EYA2: variants seen among roughly 807,000 people sequenced by gnomAD.
EYA2 encodes protein phosphatase EYA2.
In EYA2, 31 loss-of-function variants were observed where a neutral mutation model predicts 69.2. The observed-to-expected ratio is 0.45, with a 90% CI of 0.34 to 0.60. The LOEUF is 0.60. Ranked by LOEUF, EYA2 falls within the 20% of genes least tolerant of loss-of-function variation. EYA2 has a pLI of 0.02. For missense variants in EYA2, 622 were observed against 701.2 expected (o/e 0.89, Z 1.28); for synonymous variants, 257 against 279.4 (o/e 0.92, Z 0.80).
chr20:46,979,176 A>G (rs947906851), intron 1 of EYA2, among the ~76,000 whole-genome samples: 10 of 152,172 alleles, frequency 6.6e-5, no homozygotes, highest in African/African-American at 2.4e-4. Context: ...GGGTGTGGAA[A>G]GGTGAGCGGC....
intron 10 of EYA2, among the ~76,000 whole-genome samples, chr20:47,144,416 A>G (rs1294670292): frequency 2.6e-5 from 4 of 152,172 alleles, no homozygotes; most frequent in South Asian, 4.1e-4. Flanking sequence ...CAAAAAAACA[A>G]TTCTATTTCT....
intron 5 of EYA2, among the ~76,000 whole-genome samples, chr20:47,056,701 C>T (rs777958833): frequency 3.3e-5 from 5 of 152,120 alleles, no homozygotes; most frequent in South Asian, 2.1e-4. Context: ...TCTTCCAGCC[C>T]GTTCCAGGCT....
intron 5 of EYA2, among the ~76,000 whole-genome samples, chr20:47,032,713 G>A (rs1380343748): frequency 1.4e-4 from 22 of 152,154 alleles, no homozygotes; most frequent in Admixed American, 1.4e-3. Context: ...TGCACTCACT[G>A]GCTGTGAGAC....
intron 1 of EYA2, among the ~76,000 whole-genome samples, chr20:46,917,111 C>G (rs949746439): frequency 5.9e-5 from 9 of 152,142 alleles, no homozygotes; most frequent in African/African-American, 2.2e-4. Flanking sequence ...GCAGCCTCCC[C>G]CCGAGTCAAA....
Position 47,092,466 on chromosome 20 carries a change from C to T in EYA2, c.804+3085C>T, listed in dbSNP as rs188660895. ...ATTGGCGTCAGGTTGTACTTGCTGT[C>T]TGCCTTCCCATATTCCTAGAATCTC... is the stretch of plus-strand genomic sequence containing the variant. On this transcript the variant is annotated intron_variant, in intron 8 of 15. Coordinates refer to ENST00000327619, the MANE Select transcript of EYA2 (RefSeq NM_005244.5). Among the ~76,000 whole-genome samples the T allele has an allele frequency of 2.6e-5, 4 of 152,338 alleles. No individual in the cohort carries two copies. In the East Asian group the frequency reaches 7.7e-4, roughly 29 times the overall value.
chr20:47,107,188 G>T (rs1033346638), intron 9 of EYA2, among the ~76,000 whole-genome samples: 2 of 152,194 alleles, frequency 1.3e-5, no homozygotes, highest in African/African-American at 4.8e-5. Context: ...TCATGGAGCT[G>T]ATATCCTTGG....
intron 5 of EYA2, among the ~76,000 whole-genome samples, chr20:47,063,352 C>T (rs945382174): frequency 1.3e-5 from 2 of 149,620 alleles, no homozygotes; most frequent in Non-Finnish European, 3.0e-5. Context: ...TTTTATTTGG[C>T]ATAATGTTTT....
chr20:47,074,392 G>T, intron 7 of EYA2, 57 bp downstream of exon 7: 1 of 1,563,780 alleles, frequency 6.4e-7, no homozygotes, highest in Non-Finnish European at 8.8e-7. Context: ...CTTCTATGAA[G>T]GAGGGACCCG....
At chr20:47,064,501 A>T (rs371417610) in intron 5 of EYA2, among the ~76,000 whole-genome samples, 1 of 152,254 alleles carries the variant, frequency 6.6e-6, no homozygotes, top group Non-Finnish European at 1.5e-5. Context: ...GTATAAACCC[A>T]GAAGTACAAT....
At chr20:47,064,666 T>A (rs563782815) in intron 5 of EYA2, among the ~76,000 whole-genome samples, 2 of 152,172 alleles carry the variant, frequency 1.3e-5, no homozygotes, top group Non-Finnish European at 2.9e-5. Flanking sequence ...TCTTTTTCTA[T>A]CTTTATTATG....
intron 1 of EYA2, among the ~76,000 whole-genome samples, chr20:46,933,655 A>G (rs755250961): frequency 6.6e-6 from 1 of 152,224 alleles, no homozygotes; most frequent in Non-Finnish European, 1.5e-5. Flanking sequence ...GCCAAGTCTC[A>G]CTAGAACGAG....
At chr20:46,926,562 G>C (rs1985422735) in intron 1 of EYA2, among the ~76,000 whole-genome samples, 1 of 152,126 alleles carries the variant, frequency 6.6e-6, no homozygotes, top group African/African-American at 2.4e-5. Context: ...ACCCACTTTG[G>C]GGAGGGCCAT....
intron 12 of EYA2, among the ~76,000 whole-genome samples, chr20:47,173,509 T>C (rs1488788058): frequency 1.2e-5 from 1 of 83,650 alleles, no homozygotes; most frequent in African/African-American, 4.5e-5. Flanking sequence ...TGAGACCCCG[T>C]AAAAAAAAAA....
chr20:46,960,940 C>A (rs924004932), intron 1 of EYA2, among the ~76,000 whole-genome samples: 5 of 152,166 alleles, frequency 3.3e-5, no homozygotes, highest in African/African-American at 1.2e-4. Context: ...AAGCCGGCAT[C>A]CCAGGAGGTG....
chr20:47,121,199 A>G (rs931068615), intron 9 of EYA2, among the ~76,000 whole-genome samples: 47 of 152,020 alleles, frequency 3.1e-4, no homozygotes, highest in African/African-American at 1.0e-3. Flanking sequence ...GGTTCAAGCT[A>G]TTCTGCCTCA....
At chr20:47,075,007 C>T (rs1309395253) in intron 7 of EYA2, among the ~76,000 whole-genome samples, 2 of 152,130 alleles carry the variant, frequency 1.3e-5, no homozygotes, top group East Asian at 1.9e-4. Context: ...GCTACTAGGG[C>T]GGCTGAGGTA....
chr20:47,044,104 T>C (rs1347130258), intron 5 of EYA2, among the ~76,000 whole-genome samples: 1 of 152,206 alleles, frequency 6.6e-6, no homozygotes, highest in Non-Finnish European at 1.5e-5. Flanking sequence ...CCCTTCCCAC[T>C]GGAGCTCTGC....
intron 10 of EYA2, among the ~76,000 whole-genome samples, chr20:47,154,384 A>G (rs2033880343): frequency 6.6e-6 from 1 of 152,026 alleles, no homozygotes; most frequent in Non-Finnish European, 1.5e-5. Flanking sequence ...GATTTTCAAC[A>G]TATGAATTTT....
At chr20:47,084,834 CTTTTTTTTTTTTT>C (rs34290555) in intron 7 of EYA2, among the ~76,000 whole-genome samples, 3 of 112,456 alleles carry the variant, frequency 2.7e-5, no homozygotes, top group African/African-American at 9.3e-5. Flanking sequence ...CTGTTTCTTT[CTTTTTTTTTTTTT>C]TTTTTTGAGA....
Sources: gnomAD v4.1 joint callset for allele counts (sites outside exome capture counted in the v4.1 genomes callset) on GRCh38, gnomAD v4.1.1 for gene constraint, MANE v1.5 for transcripts, NCBI Gene and HGNC (gene_info 2026-07-23, HGNC 2026-07-21) for gene names.